Variants in CHMP3 observed in about 807,000 individuals in gnomAD.
The protein encoded by CHMP3 is charged multivesicular body protein 3, also known as 25.1 protein.
In CHMP3, 8 loss-of-function variants were observed where a neutral mutation model predicts 27.4. That is an observed-to-expected ratio of 0.29 (90% CI 0.17 to 0.53). The LOEUF (loss-of-function observed/expected upper bound fraction) is 0.53, where lower values mean the gene tolerates loss of function less well. Ranked by LOEUF, CHMP3 falls within the 20% of genes least tolerant of loss-of-function variation. The pLI, the probability that CHMP3 is intolerant of heterozygous loss-of-function variation, is 0.96. For missense variants in CHMP3, 208 were observed against 271.5 expected, an observed-to-expected ratio of 0.77 and a Z score of 1.64; for synonymous variants, 86 against 85.5, an observed-to-expected ratio of 1.01 and a Z score of -0.03.
At chr2:86,506,961 A>G (rs1674910108) in intron 5 of CHMP3, 2 of 152,266 alleles carry the variant, frequency 1.3e-5, no homozygotes, top group Non-Finnish European at 2.9e-5. Flanking sequence ...CTTGAATTAA[A>G]TATTTCAGCA....
In CHMP3 at chr2:86,513,694, A is replaced by G. The variant is rs535748795; in HGVS notation, c.287-3215T>C. Among the ~76,000 whole-genome samples the G allele has an allele frequency of 3.8e-4, 58 of 152,314 alleles. 1 individual carries two copies. Among genetic ancestry groups the G allele is most frequent in the African/African-American group, 1.4e-3 (57 of 41,566 alleles). On this transcript the variant is annotated intron_variant, in intron 3 of 5. Transcript: ENST00000263856. ...AGTTTACTAAAAAATAAAAACAACT[A>G]TACCCTGAAGGTGAAATCAAGAGTA...
intron 3 of CHMP3, among the ~76,000 whole-genome samples, chr2:86,523,404 A>C (rs1675586817): frequency 6.6e-6 from 1 of 152,160 alleles, no homozygotes; most frequent in South Asian, 2.1e-4. Flanking sequence ...TATCCATTTG[A>C]TTATTAAATT....
At chr2:86,549,044 C>T (rs1398809686) in intron 1 of CHMP3, among the ~76,000 whole-genome samples, 4 of 147,010 alleles carry the variant, frequency 2.7e-5, no homozygotes, top group African/African-American at 5.1e-5. Context: ...GAAGGGCAGC[C>T]GGGCAGAGGC....
chr2:86,524,042 A>G (rs905381846), intron 3 of CHMP3, among the ~76,000 whole-genome samples: 2 of 152,214 alleles, frequency 1.3e-5, no homozygotes, highest in East Asian at 3.8e-4. Context: ...TACAGCAATT[A>G]CTATGCCAGG....
chr2:86,526,264 G>C (rs1056075600), intron 3 of CHMP3, among the ~76,000 whole-genome samples: 22 of 152,130 alleles, frequency 1.4e-4, no homozygotes, highest in African/African-American at 5.3e-4. Context: ...AGGTATTTTG[G>C]AATCAGGACA....
At chr2:86,537,895 C>A (rs1299545059) in intron 2 of CHMP3, among the ~76,000 whole-genome samples, 1 of 152,086 alleles carries the variant, frequency 6.6e-6, no homozygotes, top group Non-Finnish European at 1.5e-5. Flanking sequence ...ATTATTTGAT[C>A]CAGTAATGCT....
chr2:86,515,030 T>C (rs187289697), intron 3 of CHMP3, among the ~76,000 whole-genome samples: 38 of 152,256 alleles, frequency 2.5e-4, no homozygotes, highest in Admixed American at 7.2e-4. Context: ...CAGCATTTCA[T>C]TGGTCACAGC....
intron 1 of CHMP3, among the ~76,000 whole-genome samples, chr2:86,556,357 T>G (rs1161285415): frequency 6.6e-6 from 1 of 152,200 alleles, no homozygotes; most frequent in East Asian, 1.9e-4. Flanking sequence ...AAAATCTGCC[T>G]ATTCCTGTCA....
At chr2:86,543,210 G>A (rs534054757) in intron 1 of CHMP3, among the ~76,000 whole-genome samples, 1 of 152,114 alleles carries the variant, frequency 6.6e-6, no homozygotes, top group African/African-American at 2.4e-5. Context: ...AGACTAAATG[G>A]CATTTTTTAA....
intron 3 of CHMP3, among the ~76,000 whole-genome samples, chr2:86,516,600 T>G (rs2104751633): frequency 6.6e-6 from 1 of 152,326 alleles, no homozygotes; most frequent in African/African-American, 2.4e-5. Flanking sequence ...TTATTCATAA[T>G]AGCCAACAAC....
chr2:86,537,980 C>G (rs969914688), intron 2 of CHMP3, among the ~76,000 whole-genome samples: 1 of 152,166 alleles, frequency 6.6e-6, no homozygotes, highest in African/African-American at 2.4e-5. Flanking sequence ...ATCTTCAGAG[C>G]AGCATTATTC....
At chr2:86,547,725 A>G (rs973374619) in intron 1 of CHMP3, among the ~76,000 whole-genome samples, 1 of 152,248 alleles carries the variant, frequency 6.6e-6, no homozygotes. Flanking sequence ...AAGGAAATTT[A>G]AAACAGATGT....
At chr2:86,548,406 C>T (rs1676701434) in intron 1 of CHMP3, among the ~76,000 whole-genome samples, 1 of 152,098 alleles carries the variant, frequency 6.6e-6, no homozygotes, top group Non-Finnish European at 1.5e-5. Flanking sequence ...GAGCATGCTG[C>T]CTTCAAGCAT....
At chr2:86,511,691 GTAT>G (rs1028458218) in intron 3 of CHMP3, 2 of 151,868 alleles carry the variant, frequency 1.3e-5, no homozygotes, top group African/African-American at 2.4e-5. Context: ...GCCTGTAGTT[GTAT>G]TATTATTTTA....
At chr2:86,535,281 T>C (rs1056362713) in intron 2 of CHMP3, among the ~76,000 whole-genome samples, 3 of 151,880 alleles carry the variant, frequency 2.0e-5, no homozygotes, top group African/African-American at 4.8e-5. Flanking sequence ...AAAGGAATTA[T>C]TGATAAGGAC....
chr2:86,553,025 G>T (rs1457130977), intron 1 of CHMP3, among the ~76,000 whole-genome samples: 1 of 149,688 alleles, frequency 6.7e-6, no homozygotes, highest in Non-Finnish European at 1.5e-5. Flanking sequence ...GAGATCGGGT[G>T]GGGGCAGCTT....
rs1428950683 is a variant in CHMP3, at chr2:86,505,952, G to A, written c.524-3C>T. On this transcript the variant is annotated splice_polypyrimidine_tract_variant and splice_region_variant and intron_variant, in intron 5 of 5. Transcript: ENST00000263856. ...ACTGGGTGCTTTGCCCAAGGCCCCT[G>A]AAAAGAAAGAGCAAAGATGAACACC... The A allele has an allele frequency of 6.4e-7, 1 of 1,552,182 alleles. No individual in the cohort carries two copies. Among genetic ancestry groups the A allele is most frequent in the Admixed American group, 1.9e-5 (1 of 52,804 alleles).
intron 1 of CHMP3, chr2:86,562,339 G>A (rs1441206607): frequency 6.7e-6 from 1 of 148,394 alleles, no homozygotes; most frequent in Non-Finnish European, 1.5e-5. Context: ...AAGCACTGAT[G>A]TGCACACTAA....
At chr2:86,556,602 T>C (rs1677131493) in intron 1 of CHMP3, among the ~76,000 whole-genome samples, 1 of 152,032 alleles carries the variant, frequency 6.6e-6, no homozygotes, top group Non-Finnish European at 1.5e-5. Context: ...CTAGATAAGT[T>C]AGTTTACTTA....
Sources: allele counts gnomAD v4.1 joint callset (sites outside exome capture counted in the v4.1 genomes callset), GRCh38; gene constraint gnomAD v4.1.1; transcripts MANE v1.5; gene names NCBI Gene and HGNC (gene_info 2026-07-23, HGNC 2026-07-21).